NDST1: variants seen among roughly 807,000 people sequenced by gnomAD.
NDST1 encodes the protein N-deacetylase and N-sulfotransferase 1.
NDST1 carries 35 observed loss-of-function variants against 92.8 expected under a neutral mutation model. The ratio of observed to expected loss-of-function variants is 0.38; its 90% CI spans 0.29 to 0.50. The LOEUF is 0.50. Ranked by LOEUF, NDST1 falls within the 20% of genes least tolerant of loss-of-function variation. NDST1 has a pLI of 0.94. For synonymous variants in NDST1, 493 were observed against 500.3 expected (o/e 0.99, Z 0.19); for missense variants, 822 against 1,182.7 (o/e 0.69, Z 4.47).
intron 12 of NDST1, 74 bp downstream of exon 12, chr5:150,548,462 T>A: frequency 6.5e-7 from 1 of 1,535,330 alleles, no homozygotes. Flanking sequence ...AGCCTCCAAC[T>A]CTTTCTCACC....
At chr5:150,549,963 G>A (rs560060405) in intron 13 of NDST1, among the ~76,000 whole-genome samples, 176 bp downstream of exon 13, 3 of 152,080 alleles carry the variant, frequency 2.0e-5, no homozygotes, top group South Asian at 2.1e-4. Context: ...AAAAAAGGGA[G>A]ATGATGAATC....
At chr5:150,505,215 T>A (rs1753397442), upstream of NDST1, among the ~76,000 whole-genome samples, 6 of 152,202 alleles carry the variant, frequency 3.9e-5, no homozygotes, top group South Asian at 1.2e-3. Context: ...ATCTGTGGAA[T>A]GCTTAGTGCC....
chr5:150,499,290 G>A (rs760642557), intron 1 of NDST1, among the ~76,000 whole-genome samples: 11 of 152,304 alleles, frequency 7.2e-5, no homozygotes, highest in Non-Finnish European at 1.3e-4. Context: ...GGAAAACCTT[G>A]AGCCTACATT....
In NDST1 at chr5:150,541,575, C is replaced by T. The variant is rs1755251315; in HGVS notation, c.1755C>T (p.Pro585=). 2 of 1,614,070 alleles carry T rather than the reference C, an allele frequency of 1.2e-6. No homozygotes were observed. The highest frequency in any genetic ancestry group is 8.5e-7 in the Non-Finnish European group (1 of 1,180,044). Residue 585 remains proline, a synonymous_variant, in exon 9 of 15, where the codon CCC becomes CCT. Transcript: ENST00000261797. ...SEEKDPLWQD[P]CEDKRHKDIW... is the part of the protein sequence containing the mutation. Reference sequence around the variant, plus strand: ...CCCTTCCACTGTTGTTTTAGGACCCCTGCGAGGACAAACGTCACAAAGACA... The same window carrying T: ...CCCTTCCACTGTTGTTTTAGGACCCTTGCGAGGACAAACGTCACAAAGACA...
chr5:150,510,930 G>A (rs1581345699), intron 1 of NDST1, among the ~76,000 whole-genome samples: 1 of 152,384 alleles, frequency 6.6e-6, no homozygotes, highest in Non-Finnish European at 1.5e-5. Flanking sequence ...GGGATGTGCA[G>A]GGCATCTGGC....
intron 1 of NDST1, among the ~76,000 whole-genome samples, chr5:150,514,351 T>C (rs1285362169): frequency 1.3e-5 from 2 of 152,044 alleles, no homozygotes; most frequent in Non-Finnish European, 2.9e-5. Context: ...GGGTGGATCA[T>C]CGGAGGTCAG....
chr5:150,555,858 C>T lies in NDST1; in HGVS notation c.*2526C>T, dbSNP rs1392004889. On this transcript the variant is annotated 3_prime_UTR_variant, in exon 15 of 15. Transcript: ENST00000261797. Reference sequence around the variant, plus strand: ...CAGCAGAGATCTTCTGGATTTTTGCCTGGACCCTTCTGCAAGCCTGGAGAC... The same window carrying T: ...CAGCAGAGATCTTCTGGATTTTTGCTTGGACCCTTCTGCAAGCCTGGAGAC... 2.6e-5 allele frequency: 4 copies of T among 152,178 alleles called. No homozygotes were observed. Among genetic ancestry groups the T allele is most frequent in the African/African-American group, 9.7e-5 (4 of 41,406 alleles). The allele number at this position is 152,178 out of a possible 1,614,324, so 9.4% of individuals were successfully genotyped here. A position where few individuals can be genotyped will look rare whatever the true frequency, so the allele number is the denominator to read the frequency against.
At chr5:150,541,231 T>C (rs1755233473) in intron 8 of NDST1, among the ~76,000 whole-genome samples, 1 of 152,194 alleles carries the variant, frequency 6.6e-6, no homozygotes, top group African/African-American at 2.4e-5. Context: ...ACCTAAAATA[T>C]TTACTAAACA....
At chr5:150,535,119 C>T (rs551032736) in intron 5 of NDST1, 98 bp downstream of exon 5, 84 of 1,504,100 alleles carry the variant, frequency 5.6e-5, no homozygotes, top group South Asian at 4.6e-4. Flanking sequence ...TCTGCTCTGA[C>T]GGATTTTTAC....
At position 150,541,617 on chromosome 5, in the gene NDST1, G is replaced by A. The variant is rs1755252555; in HGVS notation, c.1797G>A (p.Lys599=). 2.5e-6 allele frequency: 4 copies of A among 1,614,088 alleles called. No individual in the cohort carries two copies. Among genetic ancestry groups the A allele is most frequent in the Non-Finnish European group, 3.4e-6 (4 of 1,180,052 alleles). Residue 599 remains lysine, a synonymous_variant, in exon 9 of 15, where the codon AAG becomes AAA. Coordinates refer to ENST00000261797, the MANE Select transcript of NDST1 (RefSeq NM_001543.5). The stretch of plus-strand genomic sequence containing the variant: ...ACAAAGACATCTGGTCCAAGGAGAA[G>A]ACGTGTGACCGCTTCCCAAAGCTCC... The part of the protein sequence containing the change: ...KRHKDIWSKE[K]TCDRFPKLLI...
Position 150,521,069 on chromosome 5 carries a change from C to A in NDST1, c.-186C>A. On this transcript the variant is annotated 5_prime_UTR_variant, in exon 2 of 15. Transcript: ENST00000261797. The surrounding 1 kb of genome is among the most constrained non-coding windows in gnomAD (Gnocchi z 5.9). Reference sequence around the variant, plus strand: ...AGGAGCGTGACCAGCCTGTGGACTGCGCCCCTGGCTGGGAGGAAGGACTGG... The same window carrying A: ...AGGAGCGTGACCAGCCTGTGGACTGAGCCCCTGGCTGGGAGGAAGGACTGG... 1 of 613,220 alleles carries A rather than the reference C, an allele frequency of 1.6e-6. No individual in the cohort carries two copies. Among genetic ancestry groups the A allele is most frequent in the East Asian group, 2.7e-5 (1 of 36,438 alleles). The allele number at this position is 613,220 out of a possible 1,614,324, so 38.0% of individuals were successfully genotyped here.
upstream of NDST1, among the ~76,000 whole-genome samples, chr5:150,503,321 A>T (rs1322247751): frequency 6.6e-6 from 1 of 152,136 alleles, no homozygotes; most frequent in Non-Finnish European, 1.5e-5. Flanking sequence ...ACACACCTAT[A>T]ATCCCAGCTA....
chr5:150,542,966 C>T lies in NDST1; in HGVS notation c.1965C>T (p.Ile655=), dbSNP rs750717101. Residue 655 remains isoleucine, a synonymous_variant, in exon 10 of 15, where the codon ATC becomes ATT. Coordinates refer to ENST00000261797, the MANE Select transcript of NDST1 (RefSeq NM_001543.5). ...FFNGHNYHKG[I]DWYMEFFPIP... is the part of the protein sequence containing the mutation. ...ATGGCCACAACTATCACAAAGGCAT[C>T]GACTGGTGAGTTGGCCTTTCTGTCC... The T allele has an allele frequency of 3.7e-6, 6 of 1,613,974 alleles. No individual in the cohort carries two copies. In the South Asian group the frequency reaches 4.4e-5, roughly 12 times the overall value.
At chr5:150,513,768 C>T (rs1753833094) in intron 1 of NDST1, among the ~76,000 whole-genome samples, 1 of 152,254 alleles carries the variant, frequency 6.6e-6, no homozygotes, top group African/African-American at 2.4e-5. Context: ...TTCCCTGGTC[C>T]CAGTCTCTGG....
At chr5:150,546,841 C>T (rs1755508147) in intron 11 of NDST1, among the ~76,000 whole-genome samples, 1 of 152,252 alleles carries the variant, frequency 6.6e-6, no homozygotes, top group Non-Finnish European at 1.5e-5. Context: ...TCTGTTTATG[C>T]CCTGATGTCT....
intron 7 of NDST1, chr5:150,539,701 T>C: frequency 1.0e-6 from 1 of 984,926 alleles, no homozygotes; most frequent in Non-Finnish European, 1.2e-6. Flanking sequence ...TCGCTTTCCT[T>C]ATTTGTAAAA....
intron 2 of NDST1, among the ~76,000 whole-genome samples, chr5:150,522,499 C>G (rs527594785): frequency 2.2e-4 from 34 of 152,122 alleles, no homozygotes; most frequent in Non-Finnish European, 4.7e-4. Context: ...GAAGTCTGAC[C>G]TGCAAGATGA....
At position 150,549,668 on chromosome 5, in the gene NDST1, C is replaced by T; in HGVS notation, c.2317-10C>T. 6.3e-7 allele frequency: 1 copy of T among 1,589,136 alleles called. No homozygotes were observed. Among genetic ancestry groups the T allele is most frequent in the Middle Eastern group, 1.7e-4 (1 of 6,016 alleles). On this transcript the variant is annotated splice_polypyrimidine_tract_variant and intron_variant, in intron 12 of 14. Transcript: ENST00000261797. ...CAAAGCAGGTCCCGATCCCCTTTCT[C>T]CCTTTCCAGATTCTGGTCTTGGATG...
chr5:150,550,115 T>A (rs1016962878), intron 13 of NDST1, among the ~76,000 whole-genome samples: 2 of 151,908 alleles, frequency 1.3e-5, no homozygotes, highest in Non-Finnish European at 1.5e-5. Context: ...CTTTTTTTTT[T>A]TTTTTTAGAC....
Sources: allele counts gnomAD v4.1 joint callset (sites outside exome capture counted in the v4.1 genomes callset), GRCh38; gene constraint gnomAD v4.1.1; non-coding constraint Gnocchi (gnomAD v3.1); transcripts MANE v1.5; gene names NCBI Gene and HGNC (gene_info 2026-07-23, HGNC 2026-07-21).